TUBGCP3: variants seen among roughly 807,000 people sequenced by gnomAD.
TUBGCP3 encodes the protein tubulin gamma complex component 3.
In TUBGCP3, 50 loss-of-function variants were observed where a neutral mutation model predicts 123.1. The ratio of observed to expected loss-of-function variants is 0.41; its 90% CI spans 0.32 to 0.51. The LOEUF (loss-of-function observed/expected upper bound fraction) is 0.51, where lower values mean the gene tolerates loss of function less well. TUBGCP3 is among the 20% of genes least tolerant of loss of function. The pLI is 0.36. For missense variants in TUBGCP3, 882 were observed against 1,127.0 expected (o/e 0.78, Z 3.11); for synonymous variants, 405 against 413.9 (o/e 0.98, Z 0.26).
chr13:112,522,068 G>A (rs1876670817), intron 14 of TUBGCP3, among the ~76,000 whole-genome samples: 1 of 152,190 alleles, frequency 6.6e-6, no homozygotes, highest in Admixed American at 6.5e-5. Context: ...AAGCCCCACA[G>A]TTTTGGAAAG....
At chr13:112,491,499 C>A (rs1016059317) in intron 20 of TUBGCP3, among the ~76,000 whole-genome samples, 6 of 152,204 alleles carry the variant, frequency 3.9e-5, no homozygotes, top group Admixed American at 3.3e-4. Context: ...CCCTTCCTGC[C>A]ATGTTTACTG....
chr13:112,600,116 C>T, the TUBGCP3 span, among the ~76,000 whole-genome samples: 5 of 152,298 alleles, frequency 3.3e-5, no homozygotes, highest in Admixed American at 6.5e-5. Context: ...TTAGCTGAGG[C>T]GACGCTGGTG....
At chr13:112,509,043 G>A (rs546710303) in intron 17 of TUBGCP3, among the ~76,000 whole-genome samples, 4 of 152,278 alleles carry the variant, frequency 2.6e-5, no homozygotes, top group South Asian at 2.1e-4. Context: ...GGACGTGCTC[G>A]TGGCTGGGCT....
Position 112,508,302 on chromosome 13 carries a change from C to CAT in TUBGCP3, c.2087-3590_2087-3589dup, listed in dbSNP as rs759405667. Among the ~76,000 whole-genome samples, 3 of 152,202 alleles carry CAT rather than the reference C, an allele frequency of 2.0e-5. No individual in the cohort carries two copies. Among genetic ancestry groups the CAT allele is most frequent in the Non-Finnish European group, 2.9e-5 (2 of 68,042 alleles). ...GATTTTCAGCCTCCCCCTCCTTCTC[C>CAT]ATATCGGCATCTCAAACAGCCTTCC... On this transcript the variant is annotated intron_variant, in intron 17 of 21. Transcript: ENST00000261965. This position sits in a 1 kb window ranked among gnomAD's most constrained non-coding sequence, Gnocchi z 4.2.
chr13:112,540,947 T>G (rs1878471818), intron 11 of TUBGCP3, among the ~76,000 whole-genome samples: 1 of 152,180 alleles, frequency 6.6e-6, no homozygotes, highest in Non-Finnish European at 1.5e-5. Flanking sequence ...AACATGAACA[T>G]TAGCCTTATA....
chr13:112,521,207 T>A (rs989017172), intron 14 of TUBGCP3, among the ~76,000 whole-genome samples: 1 of 152,348 alleles, frequency 6.6e-6, no homozygotes, highest in Admixed American at 6.5e-5. Flanking sequence ...CAAACAGGTG[T>A]TGACCTCATC....
intron 3 of TUBGCP3, 97 bp downstream of exon 3, chr13:112,565,014 G>A: frequency 9.2e-7 from 1 of 1,092,424 alleles, no homozygotes; most frequent in South Asian, 1.9e-5. Flanking sequence ...TTATAGAAAA[G>A]TTTAATATGA....
intron 1 of TUBGCP3, among the ~76,000 whole-genome samples, chr13:112,569,505 A>G (rs1414919671): frequency 1.3e-5 from 2 of 152,230 alleles, no homozygotes. Context: ...GATGACAAAA[A>G]ACAAACTGGC....
At position 112,569,249 on chromosome 13, in the gene TUBGCP3, G is replaced by T; in HGVS notation, c.87C>A (p.Ala29=). ...RILGRSEADV[A]QQFQYAVRVI... Reference sequence around the variant, plus strand: ...CCCGCACAGCATACTGGAACTGCTGGGCTACATCAGCTGAAAGACAAACAA... The same window carrying T: ...CCCGCACAGCATACTGGAACTGCTGTGCTACATCAGCTGAAAGACAAACAA... The change falls in exon 2 of 22, where the codon GCC becomes GCA. Residue 29 remains alanine (A), a synonymous_variant. Coordinates refer to ENST00000261965, the MANE Select transcript of TUBGCP3 (RefSeq NM_006322.6). The T allele has an allele frequency of 6.2e-7, 1 of 1,614,008 alleles. No homozygotes were observed. The highest frequency in any genetic ancestry group is 8.5e-7 in the Non-Finnish European group (1 of 1,179,986).
At chr13:112,549,485 AT>A (rs1351919525) in intron 8 of TUBGCP3, among the ~76,000 whole-genome samples, 27 of 152,270 alleles carry the variant, frequency 1.8e-4, no homozygotes, top group South Asian at 8.3e-4. Flanking sequence ...AGGTATAATA[AT>A]AAAAAAATTA....
At chr13:112,536,308 G>T (rs1878051546) in intron 11 of TUBGCP3, among the ~76,000 whole-genome samples, 1 of 152,220 alleles carries the variant, frequency 6.6e-6, no homozygotes, top group Non-Finnish European at 1.5e-5. Flanking sequence ...ACATTGCATT[G>T]AAAGTGTGGC....
chr13:112,510,524 C>CCACCTTTGAGGATCTCATCCTTACAT (rs1188857272), intron 17 of TUBGCP3, among the ~76,000 whole-genome samples: 2 of 152,154 alleles, frequency 1.3e-5, no homozygotes, highest in East Asian at 3.8e-4. Context: ...AAGTCTCTAA[C>CCACCTTTGAGGATCTCATCCTTACAT]CACCTTTGAG....
At chr13:112,594,325 G>C in the TUBGCP3 span, among the ~76,000 whole-genome samples, 1 of 152,158 alleles carries the variant, frequency 6.6e-6, no homozygotes, top group African/African-American at 2.4e-5. Flanking sequence ...GCTAACATCT[G>C]AAAGCCAATT....
At chr13:112,535,995 C>A (rs1381378283) in intron 11 of TUBGCP3, among the ~76,000 whole-genome samples, 3 of 152,194 alleles carry the variant, frequency 2.0e-5, no homozygotes, top group Non-Finnish European at 4.4e-5. Flanking sequence ...TCCAGTTGTC[C>A]TGTTATCATT....
In TUBGCP3 at chr13:112,545,682, C is replaced by T. The variant is rs1878929785; in HGVS notation, c.1335+17G>A. 7.5e-6 allele frequency: 12 copies of T among 1,606,598 alleles called. No individual in the cohort carries two copies. The highest frequency in any genetic ancestry group is 1.0e-5 in the Non-Finnish European group (12 of 1,173,628). On this transcript the variant is annotated intron_variant, in intron 11 of 21. Transcript: ENST00000261965. The surrounding 1 kb of genome is among the most constrained non-coding windows in gnomAD (Gnocchi z 4.1). ...GCTTTTTAAATCCAAGTCTCAGAAC[C>T]GAACACCGATCCTTACTTCGTGGTA...
intron 11 of TUBGCP3, among the ~76,000 whole-genome samples, chr13:112,535,679 A>ATC (rs1240500186): frequency 5.3e-5 from 8 of 152,160 alleles, no homozygotes; most frequent in Non-Finnish European, 1.2e-4. Context: ...GGGATACTAG[A>ATC]CCATTATCAG....
At chr13:112,526,704 C>G (rs529595628) in intron 13 of TUBGCP3, among the ~76,000 whole-genome samples, 1 of 143,670 alleles carries the variant, frequency 7.0e-6, no homozygotes, top group South Asian at 2.4e-4. Context: ...CATCATTACC[C>G]CCATCATCAT....
chr13:112,489,638 A>C lies in TUBGCP3; in HGVS notation c.2508T>G (p.Phe836Leu), dbSNP rs1177890169. 2 of 1,614,072 alleles carry C rather than the reference A, an allele frequency of 1.2e-6. No individual in the cohort carries two copies. Among genetic ancestry groups the C allele is most frequent in the Non-Finnish European group, 1.7e-6 (2 of 1,180,038 alleles). ...AGCACATTTTTGGTATAGATTCTTT[A>C]AATTCTCCAATCCTCTTATTTTCCT... ...EEEENKRIGE[F>L]KESIPKMCSQ... The change falls in exon 21 of 22, where the codon TTT (phenylalanine) becomes TTG (leucine). Residue 836 changes from phenylalanine to leucine, a missense_variant. Phe to Leu is a conservative substitution (Grantham distance 22). This residue lies in a region of TUBGCP3 where 160 missense variants were observed against 220.3 expected (regional missense o/e 0.73). Coordinates refer to ENST00000261965, the MANE Select transcript of TUBGCP3 (RefSeq NM_006322.6).
intron 17 of TUBGCP3, among the ~76,000 whole-genome samples, chr13:112,510,589 A>C (rs1881614927): frequency 6.6e-6 from 1 of 152,206 alleles, no homozygotes; most frequent in African/African-American, 2.4e-5. Flanking sequence ...TAATCACGGC[A>C]ACAGTGAACT....
Sources: gnomAD v4.1 joint callset for allele counts (sites outside exome capture counted in the v4.1 genomes callset) on GRCh38, gnomAD v4.1.1 for gene constraint, gnomAD v4.1.1 regional missense constraint, Gnocchi (gnomAD v3.1) non-coding constraint, MANE v1.5 for transcripts, NCBI Gene and HGNC (gene_info 2026-07-23, HGNC 2026-07-21) for gene names.